PXYLP1: variants seen among roughly 807,000 people sequenced by gnomAD.
The protein encoded by PXYLP1 is acid phosphatase-like 2.
A neutral mutation model predicts 37.9 loss-of-function variants in PXYLP1; 17 were observed. That is an observed-to-expected ratio of 0.45 (90% CI 0.31 to 0.67). The LOEUF (loss-of-function observed/expected upper bound fraction) is 0.67. PXYLP1 is among the 30% of genes least tolerant of loss of function. The pLI is 0.07. For synonymous variants in PXYLP1, 221 were observed against 232.2 expected (o/e 0.95, Z 0.44); for missense variants, 511 against 612.0 (o/e 0.84, Z 1.74).
intron 1 of PXYLP1, among the ~76,000 whole-genome samples, chr3:141,236,992 C>G (rs551567426): frequency 3.5e-4 from 53 of 152,098 alleles, no homozygotes; most frequent in African/African-American, 1.3e-3. Flanking sequence ...TATACAGTAC[C>G]TTACTATATA....
At chr3:141,258,889 C>G (rs552406929) in intron 1 of PXYLP1, 1 of 152,198 alleles carries the variant, frequency 6.6e-6, no homozygotes, top group East Asian at 1.9e-4. Flanking sequence ...GACACACAGG[C>G]GCAATCGTAA....
intron 1 of PXYLP1, among the ~76,000 whole-genome samples, chr3:141,254,995 G>A (rs566282867): frequency 4.6e-5 from 7 of 152,308 alleles, no homozygotes; most frequent in African/African-American, 1.4e-4. Context: ...ATAGGCCAAG[G>A]CTTGGGCCCT....
At chr3:141,279,150 C>A (rs1270005504) in intron 3 of PXYLP1, among the ~76,000 whole-genome samples, 1 of 152,200 alleles carries the variant, frequency 6.6e-6, no homozygotes, top group East Asian at 1.9e-4. Context: ...GGGACATAAT[C>A]AGCCTACTCA....
chr3:141,250,559 C>A lies in PXYLP1; in HGVS notation c.-53-9564C>A, dbSNP rs1941118384. Among the ~76,000 whole-genome samples, 3 of 152,206 alleles carry A rather than the reference C, an allele frequency of 2.0e-5. No homozygotes were observed. The South Asian group carries it at 6.2e-4, about 32-fold the overall frequency. On this transcript the variant is annotated intron_variant, in intron 1 of 5. Coordinates refer to ENST00000286353, the MANE Select transcript of PXYLP1 (RefSeq NM_001037172.3). ...TTGGTTTGAGTGTGGGCACATGACA[C>A]ACTTCAGCCAGTGAGATGCGATGGG...
intron 4 of PXYLP1, among the ~76,000 whole-genome samples, chr3:141,282,962 T>C (rs926515329): frequency 2.0e-5 from 3 of 149,724 alleles, no homozygotes; most frequent in Non-Finnish European, 4.4e-5. Context: ...TAGTCAGTAA[T>C]AGGCTGTATA....
Position 141,292,824 on chromosome 3 carries a change from C to A in PXYLP1, c.1062C>A (p.Asn354Lys). The A allele has an allele frequency of 6.2e-7, 1 of 1,613,902 alleles. No individual in the cohort carries two copies. The highest frequency in any genetic ancestry group is 8.5e-7 in the Non-Finnish European group (1 of 1,179,904). ...YSLLGAHPIL[N>K]QTIGRMQRAT... ...TCCTGGGTGCCCACCCCATCCTGAA[C>A]CAAACCATCGGCCGGATGCAGCGTG... The change falls in exon 6 of 6, where the codon AAC (asparagine) becomes AAA (lysine). Residue 354 changes from asparagine (N) to lysine (K), a missense_variant. Physicochemically the swap from Asn to Lys is moderately conservative, Grantham distance 94 (BLOSUM62 0). Coordinates refer to ENST00000286353, the MANE Select transcript of PXYLP1 (RefSeq NM_001037172.3). This position sits in a 1 kb window ranked among gnomAD's most constrained non-coding sequence, Gnocchi z 4.3.
Position 141,287,351 on chromosome 3 carries a change from C to G in PXYLP1, c.403C>G (p.His135Asp). ...YHPKLEAFIS[H>D]MSKGSGASFE... ...CCCAAAACTGGAAGCTTTCATTAGT[C>G]ACATGTCAAAAGGATCCGGAGCCTC... Residue 135 changes from histidine (H) to aspartate (D), a missense_variant, in exon 5 of 6, where the codon CAC (histidine) becomes GAC (aspartate). Physicochemically the swap from His to Asp is moderately conservative, Grantham distance 81 (BLOSUM62 -1). Coordinates refer to ENST00000286353, the MANE Select transcript of PXYLP1 (RefSeq NM_001037172.3). 1 of 1,614,182 alleles carries G rather than the reference C, an allele frequency of 6.2e-7. No individual in the cohort carries two copies. The highest frequency in any genetic ancestry group is 8.5e-7 in the Non-Finnish European group (1 of 1,180,028).
intron 1 of PXYLP1, among the ~76,000 whole-genome samples, chr3:141,242,641 G>A (rs913461181): frequency 5.3e-5 from 8 of 152,198 alleles, no homozygotes; most frequent in Non-Finnish European, 1.0e-4. Flanking sequence ...TGAATGAACT[G>A]CACTTTGCTT....
intron 3 of PXYLP1, among the ~76,000 whole-genome samples, chr3:141,278,940 C>A (rs1465961697): frequency 6.6e-6 from 1 of 152,194 alleles, no homozygotes; most frequent in Admixed American, 6.5e-5. Context: ...ACAAGTTTTG[C>A]TTTTGTAAAA....
intron 1 of PXYLP1, among the ~76,000 whole-genome samples, chr3:141,252,475 G>A (rs1464475971): frequency 1.3e-5 from 2 of 152,122 alleles, no homozygotes; most frequent in Admixed American, 6.5e-5. Context: ...CACGGTGAGA[G>A]CGGGAGCAAG....
chr3:141,274,612 C>T (rs778282627), intron 2 of PXYLP1: 2 of 816,616 alleles, frequency 2.4e-6, no homozygotes, highest in Middle Eastern at 2.2e-4. Context: ...AGCGTCTGCC[C>T]CAGTTCAGCA....
chr3:141,279,841 G>T (rs1169709450), intron 4 of PXYLP1, among the ~76,000 whole-genome samples: 1 of 152,204 alleles, frequency 6.6e-6, no homozygotes, highest in Non-Finnish European at 1.5e-5. Flanking sequence ...ATTCAGAGCA[G>T]CGGGCAAGCC....
chr3:141,257,285 C>T (rs1278504232), intron 1 of PXYLP1, among the ~76,000 whole-genome samples: 2 of 152,196 alleles, frequency 1.3e-5, no homozygotes, highest in African/African-American at 2.4e-5. Context: ...TCTCATGCAC[C>T]AGCAGTCTGG....
intron 2 of PXYLP1, chr3:141,273,370 G>GGTTA (rs1269311628): frequency 5.1e-6 from 5 of 985,320 alleles, no homozygotes; most frequent in Non-Finnish European, 6.0e-6. Flanking sequence ...TCTGGCTGAT[G>GGTTA]GTTACTCTTC....
rs1006118044 is a variant in PXYLP1, at chr3:141,294,528, A to C, written c.*1323A>C. 6.6e-6 allele frequency: 1 copy of C among 152,222 alleles called. No homozygotes were observed. Among genetic ancestry groups the C allele is most frequent in the Non-Finnish European group, 1.5e-5 (1 of 68,046 alleles). The allele number at this position is 152,222 out of a possible 1,614,324, so 9.4% of individuals were successfully genotyped here. A position where few individuals can be genotyped will look rare whatever the true frequency, so the allele number is the denominator to read the frequency against. The stretch of plus-strand genomic sequence containing the variant: ...TGCTAATTCAGAGAAATGGAAAGTG[A>C]AAGTGAGATTCTCTGTTGTCATCGG... On this transcript the variant is annotated 3_prime_UTR_variant, in exon 6 of 6. Coordinates refer to ENST00000286353, the MANE Select transcript of PXYLP1 (RefSeq NM_001037172.3).
At chr3:141,272,239 A>G (rs1941682123) in intron 2 of PXYLP1, among the ~76,000 whole-genome samples, 1 of 152,120 alleles carries the variant, frequency 6.6e-6, no homozygotes, top group Non-Finnish European at 1.5e-5. Context: ...TTATAACTTT[A>G]TCTGCTGCCC....
chr3:141,268,448 G>A (rs1292721336), intron 2 of PXYLP1, among the ~76,000 whole-genome samples: 1 of 152,158 alleles, frequency 6.6e-6, no homozygotes, highest in Non-Finnish European at 1.5e-5. Flanking sequence ...GGCAGAGTGT[G>A]CGCCTGCTGA....
chr3:141,264,721 A>G (rs938703636), intron 2 of PXYLP1, among the ~76,000 whole-genome samples: 2 of 152,172 alleles, frequency 1.3e-5, no homozygotes, highest in African/African-American at 4.8e-5. Flanking sequence ...GCCTGGATCA[A>G]ATCCTTGTCC....
At chr3:141,254,193 G>A (rs1407595660) in intron 1 of PXYLP1, among the ~76,000 whole-genome samples, 2 of 152,178 alleles carry the variant, frequency 1.3e-5, no homozygotes, top group African/African-American at 2.4e-5. Flanking sequence ...GATTACAGGC[G>A]TGAGCTACCA....
Sources: gnomAD v4.1 joint callset for allele counts (sites outside exome capture counted in the v4.1 genomes callset) on GRCh38, gnomAD v4.1.1 for gene constraint, Gnocchi (gnomAD v3.1) non-coding constraint, MANE v1.5 for transcripts, NCBI Gene and HGNC (gene_info 2026-07-23, HGNC 2026-07-21) for gene names.